The following RCAN3 variants were observed in gnomAD, a reference collection of about 807,000 sequenced individuals.
The protein encoded by RCAN3 is calcipressin-3.
A neutral mutation model predicts 21.9 loss-of-function variants in RCAN3; 19 were observed. The ratio of observed to expected loss-of-function variants is 0.87; its 90% CI spans 0.61 to 1.27. RCAN3 has a LOEUF of 1.27. Among genes scored for constraint, RCAN3 ranks in the 50% most tolerant of loss-of-function variants. RCAN3 has a pLI of 0.00. For synonymous variants in RCAN3, 114 were observed against 112.3 expected (o/e 1.01, Z -0.09); for missense variants, 240 against 300.1 (o/e 0.80, Z 1.48).
In RCAN3 at chr1:24,510,681, C is replaced by T. The variant is rs185784812; in HGVS notation, c.-59-3633C>T. 8.5e-5 allele frequency among the ~76,000 whole-genome samples: 13 copies of T among 152,270 alleles called. No individual in the cohort carries two copies. The East Asian group carries it at 2.5e-3, about 29-fold the overall frequency. On this transcript the variant is annotated intron_variant, in intron 1 of 4. Coordinates refer to ENST00000374395, the MANE Select transcript of RCAN3 (RefSeq NM_013441.4). ...CGTATCAGCGATAAGTCTGTTTTTG[C>T]CTTTTTAGCATTTGTGTGTTCACTG...
chr1:24,508,069 A>ACTGCGCCACTGCACCCCAGC (rs1336611849), intron 1 of RCAN3, among the ~76,000 whole-genome samples: 1 of 152,128 alleles, frequency 6.6e-6, no homozygotes, highest in East Asian at 1.9e-4. Flanking sequence ...CTGCGCCGAG[A>ACTGCGCCACTGCACCCCAGC]CTGCGCCACT....
intron 2 of RCAN3, among the ~76,000 whole-genome samples, chr1:24,527,112 AC>A (rs1255991141): frequency 1.3e-5 from 2 of 152,046 alleles, no homozygotes; most frequent in African/African-American, 4.8e-5. Context: ...GCTCACTGCA[AC>A]CTCTGCCTCC....
intron 2 of RCAN3, among the ~76,000 whole-genome samples, chr1:24,521,909 G>A (rs988023518): frequency 5.9e-5 from 9 of 151,790 alleles, no homozygotes; most frequent in Admixed American, 2.6e-4. Flanking sequence ...TTGCTGGGGG[G>A]GGTGGGGAAA....
chr1:24,508,410 C>A (rs1647623069), intron 1 of RCAN3, among the ~76,000 whole-genome samples: 2 of 152,156 alleles, frequency 1.3e-5, no homozygotes, highest in South Asian at 4.1e-4. Flanking sequence ...GTGTGTGAAC[C>A]ACAGGGAGGC....
At chr1:24,526,355 G>T (rs1289628714) in intron 2 of RCAN3, among the ~76,000 whole-genome samples, 11 of 152,066 alleles carry the variant, frequency 7.2e-5, no homozygotes. Context: ...GGGCCACTGT[G>T]CCTGGCCATT....
At chr1:24,514,263 C>T in intron 1 of RCAN3, 51 bp from the exon 2 acceptor site, 1 of 875,996 alleles carries the variant, frequency 1.1e-6, no homozygotes, top group South Asian at 2.4e-5. Context: ...TTGATTGGAA[C>T]ATTATTTGGT....
chr1:24,520,380 A>G (rs1462244020), intron 2 of RCAN3, among the ~76,000 whole-genome samples: 2 of 152,184 alleles, frequency 1.3e-5, no homozygotes, highest in Non-Finnish European at 2.9e-5. Flanking sequence ...ACATTGCTAC[A>G]AAACGTTGTT....
chr1:24,531,461 C>T (rs1395183201), intron 3 of RCAN3, 70 bp downstream of exon 3: 2 of 1,200,550 alleles, frequency 1.7e-6, no homozygotes, highest in Non-Finnish European at 2.3e-6. Flanking sequence ...TTTTATTTCA[C>T]CGTTTTCTAT....
Position 24,514,501 on chromosome 1 carries a change from TG to T in RCAN3, c.130del (p.Asp44IlefsTer49). On this transcript the variant is annotated frameshift_variant, in exon 2 of 5. Transcript: ENST00000374395. LOFTEE classifies it high-confidence loss of function. The stretch of plus-strand genomic sequence containing the variant: ...ATTTGGATGAGATGATGGATTTAAG[TG>T]ATCTGCCTACCTCACTTTTTGCTTG... ...DDLDEMMDLSDLPTSLFACSV... is the reference protein window; with the variant it reads ...DDLDEMMDLSXLPTSLFACSV... The T allele has an allele frequency of 6.2e-7, 1 of 1,614,206 alleles. No homozygotes were observed. Among genetic ancestry groups the T allele is most frequent in the Non-Finnish European group, 8.5e-7 (1 of 1,180,036 alleles).
At chr1:24,532,445 T>G (rs1426215400) in intron 3 of RCAN3, among the ~76,000 whole-genome samples, 1 of 151,826 alleles carries the variant, frequency 6.6e-6, no homozygotes, top group Middle Eastern at 3.4e-3. Context: ...CAGGCTGATC[T>G]CAAACTCCTG....
chr1:24,534,506 C>T (rs1380344022), intron 4 of RCAN3, among the ~76,000 whole-genome samples: 2 of 152,072 alleles, frequency 1.3e-5, no homozygotes, highest in Admixed American at 6.6e-5. Flanking sequence ...ACTCGGGAGG[C>T]TGAGGCAGGA....
intron 3 of RCAN3, among the ~76,000 whole-genome samples, chr1:24,531,702 C>T (rs1649773684): frequency 6.6e-6 from 1 of 152,168 alleles, no homozygotes; most frequent in Non-Finnish European, 1.5e-5. Context: ...AAACTAACTT[C>T]TCTCCTGTGC....
At chr1:24,515,709 G>T (rs371142034) in intron 2 of RCAN3, among the ~76,000 whole-genome samples, 30 of 152,268 alleles carry the variant, frequency 2.0e-4, no homozygotes, top group East Asian at 1.4e-3. Context: ...TGTGCCAGGC[G>T]CTGGTGCCAG....
At chr1:24,511,185 T>C (rs1339668559) in intron 1 of RCAN3, among the ~76,000 whole-genome samples, 16 of 152,084 alleles carry the variant, frequency 1.1e-4, no homozygotes, top group Non-Finnish European at 4.4e-5. Flanking sequence ...TGGTGGCGTG[T>C]ACCTGTAGTC....
At position 24,530,010 on chromosome 1, in the gene RCAN3, CA is replaced by C. The variant is rs930290955; in HGVS notation, c.196-1204del. ...CAAGACCCCATCTCAAAAAAAAAAA[CA>C]AAACAAAATTAAACGAACTGGTGGA... On this transcript the variant is annotated intron_variant, in intron 2 of 4. Transcript: ENST00000374395. Among the ~76,000 whole-genome samples, 4 of 50,310 alleles carry C rather than the reference CA, an allele frequency of 8.0e-5. No homozygotes were observed. In the East Asian group the frequency reaches 7.2e-3, roughly 91 times the overall value. The allele number at this position is 50,310 out of a possible 152,430, so 33.0% of individuals were successfully genotyped here. A position where few individuals can be genotyped will look rare whatever the true frequency, so the allele number is the denominator to read the frequency against.
At position 24,533,229 on chromosome 1, in the gene RCAN3, C is replaced by T. The variant is rs368201107; in HGVS notation, c.516C>T (p.Leu172=). Residue 172 remains leucine (L), a synonymous_variant, in exon 4 of 5, where the codon CTC becomes CTT. Transcript: ENST00000374395. ...TGCCTGTTATAAATTATGATTTACT[C>T]TGTGCTGTTTCCAAATTGGGACCAG... ...DAMPVINYDL[L]CAVSKLGPGE... 2 of 1,575,454 alleles carry T rather than the reference C, an allele frequency of 1.3e-6. No homozygotes were observed. Among genetic ancestry groups the T allele is most frequent in the Non-Finnish European group, 1.7e-6 (2 of 1,165,958 alleles).
intron 1 of RCAN3, among the ~76,000 whole-genome samples, chr1:24,512,476 G>A (rs1647968691): frequency 6.6e-6 from 1 of 152,104 alleles, no homozygotes. Context: ...TAGGAACCAT[G>A]TTTTCTTCAC....
At position 24,536,376 on chromosome 1, in the gene RCAN3, G is replaced by A. The variant is rs1283236336; in HGVS notation, c.*1099G>A. On this transcript the variant is annotated 3_prime_UTR_variant, in exon 5 of 5. Transcript: ENST00000374395. ...ATCATTCAGTTTTACTTTTCTTTTT[G>A]TTGAAATTTTGTACCCGGATTGCAG... 6.6e-6 allele frequency: 1 copy of A among 152,238 alleles called. No homozygotes were observed. The highest frequency in any genetic ancestry group is 6.5e-5 in the Admixed American group (1 of 15,280). The allele number at this position is 152,238 out of a possible 1,614,324, so 9.4% of individuals were successfully genotyped here.
rs1418681613 is a variant in RCAN3, at chr1:24,537,575, T to A, written c.*2298T>A. On this transcript the variant is annotated 3_prime_UTR_variant, in exon 5 of 5. Coordinates refer to ENST00000374395, the MANE Select transcript of RCAN3 (RefSeq NM_013441.4). Reference sequence around the variant, plus strand: ...TTTCTTTTAATAGGCTTTTCTGCAATTTTTTTGAAATTGAGTTATTACTTG... The same window carrying A: ...TTTCTTTTAATAGGCTTTTCTGCAAATTTTTTGAAATTGAGTTATTACTTG... 2 of 146,386 alleles carry A rather than the reference T, an allele frequency of 1.4e-5. No individual in the cohort carries two copies. Among genetic ancestry groups the A allele is most frequent in the African/African-American group, 5.1e-5 (2 of 39,256 alleles). The allele number at this position is 146,386 out of a possible 1,614,324, so 9.1% of individuals were successfully genotyped here.
Sources: allele counts gnomAD v4.1 joint callset (sites outside exome capture counted in the v4.1 genomes callset), GRCh38; gene constraint gnomAD v4.1.1; transcripts MANE v1.5; gene names NCBI Gene and HGNC (gene_info 2026-07-23, HGNC 2026-07-21).